The following RALYL variants were observed in gnomAD, a reference collection of about 807,000 sequenced individuals.
RALYL encodes the protein RALY RNA binding protein like.
RALYL carries 29 observed loss-of-function variants against 35.1 expected under a neutral mutation model. The ratio of observed to expected loss-of-function variants is 0.83; its 90% CI spans 0.61 to 1.13. The LOEUF is 1.13. Among genes scored for constraint, RALYL ranks in the 50% most tolerant of loss-of-function variants. The pLI is 0.00. For synonymous variants in RALYL, 120 were observed against 127.6 expected, an observed-to-expected ratio of 0.94 and a Z score of 0.40; for missense variants, 359 against 360.4, an observed-to-expected ratio of 1.00 and a Z score of 0.03.
At chr8:84,853,886 T>C (rs541653210) in intron 5 of RALYL, among the ~76,000 whole-genome samples, 12 of 152,284 alleles carry the variant, frequency 7.9e-5, no homozygotes, top group African/African-American at 2.9e-4. Flanking sequence ...GCAAGTTAGT[T>C]AATATCACAA....
intron 1 of RALYL, among the ~76,000 whole-genome samples, chr8:84,384,316 A>G (rs1858683632): frequency 6.6e-6 from 1 of 151,790 alleles, no homozygotes; most frequent in African/African-American, 2.4e-5. Context: ...GCAAGCTATC[A>G]TCATTATGAT....
At chr8:84,523,184 G>A (rs1391978775) in intron 1 of RALYL, among the ~76,000 whole-genome samples, 4 of 152,110 alleles carry the variant, frequency 2.6e-5, no homozygotes, top group Non-Finnish European at 5.9e-5. Context: ...AGTTCCACAT[G>A]GCTGGGGAGG....
intron 2 of RALYL, among the ~76,000 whole-genome samples, chr8:84,665,054 G>T (rs912099373): frequency 1.3e-5 from 2 of 151,964 alleles, no homozygotes; most frequent in African/African-American, 4.8e-5. Flanking sequence ...GAATTTTATT[G>T]AAGGCTTTTT....
intron 2 of RALYL, among the ~76,000 whole-genome samples, chr8:84,749,208 C>T (rs975435101): frequency 1.3e-5 from 2 of 151,998 alleles, no homozygotes; most frequent in African/African-American, 4.8e-5. Context: ...GTATTATTAC[C>T]TTTTTCCAAT....
chr8:84,554,112 C>A (rs1287381221), intron 2 of RALYL, among the ~76,000 whole-genome samples: 3 of 152,236 alleles, frequency 2.0e-5, no homozygotes, highest in South Asian at 2.1e-4. Context: ...ACTTGATTGT[C>A]ATGATACAAT....
At chr8:84,314,714 A>C (rs1030346779) in intron 1 of RALYL, among the ~76,000 whole-genome samples, 5 of 152,166 alleles carry the variant, frequency 3.3e-5, no homozygotes, top group African/African-American at 1.2e-4. Context: ...GGGCAACAAC[A>C]AAGTGAGACC....
intron 4 of RALYL, among the ~76,000 whole-genome samples, chr8:84,809,802 G>A (rs1464230780): frequency 1.3e-5 from 2 of 151,898 alleles, no homozygotes; most frequent in South Asian, 2.1e-4. Context: ...ATGATCTTTC[G>A]TATTTCAGTG....
Position 84,552,358 on chromosome 8 carries a change from A to ATT in RALYL, c.256+22809_256+22810dup, listed in dbSNP as rs1167949176. On this transcript the variant is annotated intron_variant, in intron 2 of 8. Coordinates refer to ENST00000521268, the MANE Select transcript of RALYL (RefSeq NM_173848.7). ...TGTGTGTATATATATATATATATATATTTTTTTTTTTTTTTTTTTTTTTTT... is the reference window on the plus strand; with the variant it reads ...TGTGTGTATATATATATATATATATATTTTTTTTTTTTTTTTTTTTTTTTTTT... 7.3e-3 allele frequency among the ~76,000 whole-genome samples: 224 copies of ATT among 30,636 alleles called. 12 individuals carry two copies. The highest frequency in any genetic ancestry group is 0.013 in the South Asian group (9 of 686). 20.1% of individuals were successfully genotyped at this position (30,636 alleles called of 152,430 possible).
intron 1 of RALYL, among the ~76,000 whole-genome samples, chr8:84,235,947 A>C (rs1826452425): frequency 6.6e-6 from 1 of 151,526 alleles, no homozygotes; most frequent in African/African-American, 2.4e-5. Flanking sequence ...TTGTATTTTT[A>C]GTAGAGACAG....
intron 2 of RALYL, among the ~76,000 whole-genome samples, chr8:84,567,412 T>C (rs905352476): frequency 6.6e-6 from 1 of 151,766 alleles, no homozygotes; most frequent in African/African-American, 2.4e-5. Flanking sequence ...TATCTGTATG[T>C]CCATGTGTGG....
At chr8:84,822,224 G>C (rs1166477953) in intron 4 of RALYL, among the ~76,000 whole-genome samples, 2 of 152,134 alleles carry the variant, frequency 1.3e-5, no homozygotes, top group African/African-American at 4.8e-5. Context: ...GTTCTCTAGA[G>C]AAGTTATTTT....
intron 1 of RALYL, among the ~76,000 whole-genome samples, chr8:84,293,093 T>C (rs949939440): frequency 1.3e-5 from 2 of 152,132 alleles, no homozygotes; most frequent in African/African-American, 2.4e-5. Context: ...AATATGGTAA[T>C]GGAAAACGTG....
chr8:84,290,432 T>G (rs1191173205), intron 1 of RALYL, among the ~76,000 whole-genome samples: 1 of 151,762 alleles, frequency 6.6e-6, no homozygotes, highest in African/African-American at 2.4e-5. Flanking sequence ...TGGGGCCGTT[T>G]TATAGGATTT....
At chr8:84,499,516 T>C (rs2056438101) in intron 1 of RALYL, among the ~76,000 whole-genome samples, 1 of 152,162 alleles carries the variant, frequency 6.6e-6, no homozygotes, top group Non-Finnish European at 1.5e-5. Flanking sequence ...AGCAGTTGCA[T>C]GTGGCAAACA....
chr8:84,837,130 T>C (rs1050601382), intron 4 of RALYL, among the ~76,000 whole-genome samples: 1 of 152,162 alleles, frequency 6.6e-6, no homozygotes, highest in Non-Finnish European at 1.5e-5. Context: ...TAAGCTCTCA[T>C]AGAAGTTCTT....
chr8:84,250,060 C>G (rs1829881785), intron 1 of RALYL, among the ~76,000 whole-genome samples: 1 of 151,634 alleles, frequency 6.6e-6, no homozygotes, highest in South Asian at 2.1e-4. Context: ...ATCCAGTGTC[C>G]TGCTTTATTA....
At chr8:84,804,843 T>C (rs755054237) in intron 4 of RALYL, 41 bp downstream of exon 4, 27 of 980,370 alleles carry the variant, frequency 2.8e-5, no homozygotes, top group Middle Eastern at 3.3e-4. Flanking sequence ...AATTATTTAA[T>C]TCAAATTTCC....
intron 8 of RALYL, among the ~76,000 whole-genome samples, chr8:84,905,759 C>A (rs1449531743): frequency 6.8e-6 from 1 of 147,546 alleles, no homozygotes; most frequent in Admixed American, 6.9e-5. Flanking sequence ...TGCAATGGTG[C>A]AATCTCAGCT....
intron 2 of RALYL, among the ~76,000 whole-genome samples, chr8:84,615,568 G>A (rs961597228): frequency 1.6e-4 from 10 of 63,342 alleles, no homozygotes; most frequent in South Asian, 1.4e-3. Flanking sequence ...TAGAACTTTC[G>A]TCTTTTTTTT....
Sources: allele counts gnomAD v4.1 joint callset (sites outside exome capture counted in the v4.1 genomes callset), GRCh38; gene constraint gnomAD v4.1.1; transcripts MANE v1.5; gene names NCBI Gene and HGNC (gene_info 2026-07-23, HGNC 2026-07-21).